Variants in TENM3 observed in about 807,000 individuals in gnomAD.
The protein encoded by TENM3 is teneurin-3.
Under a neutral mutation model 255.1 loss-of-function variants are expected in TENM3, and 63 were observed. The ratio of observed to expected loss-of-function variants is 0.25; its 90% CI spans 0.20 to 0.30. The LOEUF (loss-of-function observed/expected upper bound fraction) is 0.30, where lower values mean the gene tolerates loss of function less well. Ranked by LOEUF, TENM3 falls within the 10% of genes least tolerant of loss-of-function variation. The pLI, the probability that TENM3 is intolerant of heterozygous loss-of-function variation, is 1.00. For synonymous variants in TENM3, 1,306 were observed against 1,322.3 expected (o/e 0.99, Z 0.27); for missense variants, 2,929 against 3,461.1 (o/e 0.85, Z 3.86).
chr4:181,639,880 G>A, the TENM3 span, among the ~76,000 whole-genome samples: 1 of 152,218 alleles, frequency 6.6e-6, no homozygotes, highest in African/African-American at 2.4e-5. Context: ...CAGTAAGGCT[G>A]AGGGCTGCAC....
At chr4:181,964,531 C>A in the TENM3 span, among the ~76,000 whole-genome samples, 2 of 151,960 alleles carry the variant, frequency 1.3e-5, no homozygotes, top group African/African-American at 4.8e-5. Context: ...TGCCATCCCT[C>A]CTCAATTCTG....
chr4:182,397,393 C>G (rs1438587527), intron 3 of TENM3, among the ~76,000 whole-genome samples: 5 of 66,330 alleles, frequency 7.5e-5, no homozygotes, highest in Non-Finnish European at 1.3e-4. Context: ...GAGCGAGACT[C>G]CATCTAAAAA....
intron 3 of TENM3, among the ~76,000 whole-genome samples, chr4:182,505,191 C>G (rs1736693456): frequency 6.6e-6 from 1 of 152,062 alleles, no homozygotes; most frequent in African/African-American, 2.4e-5. Flanking sequence ...ATACCAGACT[C>G]TTAGTTCTAT....
the TENM3 span, among the ~76,000 whole-genome samples, chr4:181,625,032 A>G: frequency 1.3e-5 from 2 of 152,212 alleles, no homozygotes; most frequent in African/African-American, 2.4e-5. Flanking sequence ...AGAAGCTAAT[A>G]TGTCATACAA....
chr4:182,526,294 C>G (rs1409071245), intron 3 of TENM3, among the ~76,000 whole-genome samples: 1 of 152,050 alleles, frequency 6.6e-6, no homozygotes, highest in African/African-American at 2.4e-5. Flanking sequence ...TTGCCGCTTT[C>G]TTATGTATCT....
At chr4:182,726,450 G>C (rs1760193334) in intron 13 of TENM3, among the ~76,000 whole-genome samples, 1 of 152,050 alleles carries the variant, frequency 6.6e-6, no homozygotes, top group Admixed American at 6.6e-5. Context: ...ATTCCCAGCA[G>C]CTTCTATACC....
the TENM3 span, among the ~76,000 whole-genome samples, chr4:182,008,764 T>A: frequency 3.3e-5 from 5 of 152,204 alleles, no homozygotes; most frequent in African/African-American, 1.2e-4. Context: ...GCGCCCTTGA[T>A]GGAGAGATGT....
intron 3 of TENM3, among the ~76,000 whole-genome samples, chr4:182,356,033 GA>G (rs1355129127): frequency 1.3e-5 from 2 of 151,830 alleles, no homozygotes; most frequent in Non-Finnish European, 2.9e-5. Context: ...AATAGAATGA[GA>G]AAAGAAGAGG....
At chr4:182,041,049 A>T in the TENM3 span, among the ~76,000 whole-genome samples, 7 of 152,144 alleles carry the variant, frequency 4.6e-5, no homozygotes, top group Admixed American at 2.0e-4. Flanking sequence ...TTTTTCTTCA[A>T]TATTACCAGA....
chr4:182,020,503 T>C, the TENM3 span, among the ~76,000 whole-genome samples: 1 of 152,188 alleles, frequency 6.6e-6, no homozygotes, highest in Non-Finnish European at 1.5e-5. Flanking sequence ...AGGATGACTG[T>C]AGTTAACAAT....
chr4:182,075,196 T>TTTTC, the TENM3 span, among the ~76,000 whole-genome samples: 3,062 of 111,420 alleles, frequency 0.027, 116 homozygotes, highest in East Asian at 0.13. Flanking sequence ...CACTTGTTTT[T>TTTTC]TTTCTTTTTT....
chr4:181,850,909 C>G, the TENM3 span, among the ~76,000 whole-genome samples: 1 of 152,090 alleles, frequency 6.6e-6, no homozygotes. Context: ...ACGTCCAAAA[C>G]TATTTAGTTT....
At chr4:181,920,347 C>G in the TENM3 span, among the ~76,000 whole-genome samples, 1 of 151,756 alleles carries the variant, frequency 6.6e-6, no homozygotes, top group African/African-American at 2.4e-5. Flanking sequence ...TACAGTCCCA[C>G]CAACAGTGTA....
chr4:182,483,866 C>T (rs1734438820), intron 3 of TENM3, among the ~76,000 whole-genome samples: 1 of 151,946 alleles, frequency 6.6e-6, no homozygotes, highest in Admixed American at 6.6e-5. Context: ...GAAGTGCTAC[C>T]CATTCTTAAC....
chr4:182,125,906 T>C, the TENM3 span, among the ~76,000 whole-genome samples: 3 of 152,138 alleles, frequency 2.0e-5, no homozygotes, highest in Admixed American at 1.3e-4. Context: ...ATTTGGGGGA[T>C]TTGAAAGCGT....
chr4:181,642,777 C>T, the TENM3 span, among the ~76,000 whole-genome samples: 1 of 152,106 alleles, frequency 6.6e-6, no homozygotes, highest in Non-Finnish European at 1.5e-5. Flanking sequence ...TTCCACATTG[C>T]TTGTTTTTGT....
At chr4:182,303,068 T>C (rs1761938966) in intron 1 of TENM3, among the ~76,000 whole-genome samples, 1 of 152,118 alleles carries the variant, frequency 6.6e-6, no homozygotes, top group South Asian at 2.1e-4. Context: ...TTATGGGTGA[T>C]TAGTTATGGG....
chr4:182,402,223 G>C (rs1231188063), intron 3 of TENM3, among the ~76,000 whole-genome samples: 1 of 152,152 alleles, frequency 6.6e-6, no homozygotes, highest in Non-Finnish European at 1.5e-5. Context: ...CAAATGCACA[G>C]GTCGTTTATT....
At chr4:181,697,953 G>A in the TENM3 span, among the ~76,000 whole-genome samples, 9 of 151,942 alleles carry the variant, frequency 5.9e-5, no homozygotes, top group Admixed American at 3.3e-4. Context: ...GGTGGCTCAC[G>A]CCTGTAATCC....
Sources: gnomAD v4.1 joint callset for allele counts (sites outside exome capture counted in the v4.1 genomes callset) on GRCh38, gnomAD v4.1.1 for gene constraint, MANE v1.5 for transcripts, NCBI Gene and HGNC (gene_info 2026-07-23, HGNC 2026-07-21) for gene names.